GFRA1: variants seen among roughly 807,000 people sequenced by gnomAD.
GFRA1 encodes the protein GDNF family receptor alpha-1.
A neutral mutation model predicts 51.6 loss-of-function variants in GFRA1; 16 were observed. The ratio of observed to expected loss-of-function variants is 0.31; its 90% confidence interval spans 0.21 to 0.47. The LOEUF (loss-of-function observed/expected upper bound fraction) is 0.47, where lower values mean the gene tolerates loss of function less well. Ranked by LOEUF, GFRA1 falls within the 20% of genes least tolerant of loss-of-function variation. The probability of loss-of-function intolerance (pLI) is 1.00; values close to 1 mark genes in which losing one functional copy is unlikely to be tolerated. For synonymous variants in GFRA1, 270 were observed against 241.3 expected (o/e 1.12, Z -1.10); for missense variants, 530 against 594.3 (o/e 0.89, Z 1.13).
At chr10:116,186,002 A>G (rs545500347) in intron 5 of GFRA1, among the ~76,000 whole-genome samples, 2 of 151,972 alleles carry the variant, frequency 1.3e-5, no homozygotes, top group Non-Finnish European at 2.9e-5. Flanking sequence ...ATTTTACTTT[A>G]TTATTTTTGG....
At chr10:116,077,535 CCAG>C (rs1354859404) in intron 9 of GFRA1, among the ~76,000 whole-genome samples, 3 of 152,154 alleles carry the variant, frequency 2.0e-5, no homozygotes, top group African/African-American at 7.2e-5. Flanking sequence ...AATTTTACAG[CCAG>C]CTATAAAATG....
At chr10:116,133,274 T>G (rs188217644) in intron 5 of GFRA1, among the ~76,000 whole-genome samples, 9 of 152,314 alleles carry the variant, frequency 5.9e-5, no homozygotes, top group African/African-American at 1.9e-4. Context: ...ACAGCCATGT[T>G]GTCACTTTGC....
At chr10:116,134,774 C>A (rs1470054934) in intron 5 of GFRA1, among the ~76,000 whole-genome samples, 1 of 152,206 alleles carries the variant, frequency 6.6e-6, no homozygotes, top group East Asian at 1.9e-4. Context: ...GACAGTTCCC[C>A]TTGTTAACCA....
chr10:116,226,836 A>T, intron 4 of GFRA1: 1 of 350,176 alleles, frequency 2.9e-6, no homozygotes, highest in Middle Eastern at 6.3e-4. Flanking sequence ...ATCATCAGGT[A>T]TTAGATTCTC....
intron 5 of GFRA1, among the ~76,000 whole-genome samples, chr10:116,207,750 C>T (rs927706215): frequency 1.3e-5 from 2 of 152,008 alleles, no homozygotes; most frequent in African/African-American, 4.8e-5. Context: ...AATTTGCCAG[C>T]CTTAAGGACA....
intron 5 of GFRA1, among the ~76,000 whole-genome samples, chr10:116,207,281 A>G (rs1372772188): frequency 1.3e-5 from 2 of 152,226 alleles, no homozygotes; most frequent in African/African-American, 4.8e-5. Flanking sequence ...CCTGTCACCA[A>G]TCTGAGATCA....
At chr10:116,095,140 A>G (rs986070272) in intron 7 of GFRA1, among the ~76,000 whole-genome samples, 3 of 152,214 alleles carry the variant, frequency 2.0e-5, no homozygotes, top group African/African-American at 7.2e-5. Context: ...GGCCCCTCAT[A>G]AAGAGGTTAA....
At chr10:116,227,897 C>T (rs1212238200) in intron 4 of GFRA1, among the ~76,000 whole-genome samples, 1 of 152,154 alleles carries the variant, frequency 6.6e-6, no homozygotes, top group South Asian at 2.1e-4. Flanking sequence ...AGATGATATA[C>T]CACAATCTCT....
At chr10:116,134,425 G>A (rs1235995244) in intron 5 of GFRA1, among the ~76,000 whole-genome samples, 4 of 152,214 alleles carry the variant, frequency 2.6e-5, no homozygotes, top group Admixed American at 1.3e-4. Context: ...CACAGTGACA[G>A]TCTGGGCTTC....
chr10:116,226,372 C>T (rs1271358178), intron 4 of GFRA1, among the ~76,000 whole-genome samples: 1 of 152,166 alleles, frequency 6.6e-6, no homozygotes, highest in Non-Finnish European at 1.5e-5. Context: ...AAAGGGCTGC[C>T]TTTTGAAAAT....
rs1324840720 is a variant in GFRA1 at position 116,063,110 on chromosome 10, T to C, written c.*1288A>G. 1 of 152,284 alleles carries C rather than the reference T, an allele frequency of 6.6e-6. No individual in the cohort carries two copies. The highest frequency in any genetic ancestry group is 1.5e-5 in the Non-Finnish European group (1 of 68,076). The allele number at this position is 152,284 out of a possible 1,614,324, so 9.4% of individuals were successfully genotyped here. ...AAAGAACTGTGCATCCCAGCATGGA[T>C]GTGTTTCCAAAGAAAGGAGAACCTG... is the stretch of plus-strand genomic sequence containing the variant. On this transcript the variant is annotated 3_prime_UTR_variant, in exon 11 of 11. Coordinates refer to ENST00000355422, the MANE Select transcript of GFRA1 (RefSeq NM_005264.8).
intron 4 of GFRA1, among the ~76,000 whole-genome samples, chr10:116,245,494 T>C (rs1967789892): frequency 6.6e-6 from 1 of 152,202 alleles, no homozygotes; most frequent in Non-Finnish European, 1.5e-5. Context: ...TGCAAAATGG[T>C]ACAGCCGCTT....
At chr10:116,134,456 T>C (rs956180224) in intron 5 of GFRA1, among the ~76,000 whole-genome samples, 1 of 152,228 alleles carries the variant, frequency 6.6e-6, no homozygotes, top group Non-Finnish European at 1.5e-5. Flanking sequence ...ACGGATCGTA[T>C]GGCAAATTTG....
At chr10:116,109,661 C>T (rs1302086970) in intron 6 of GFRA1, among the ~76,000 whole-genome samples, 2 of 152,106 alleles carry the variant, frequency 1.3e-5, no homozygotes, top group South Asian at 2.1e-4. Context: ...CCCGGGCCCA[C>T]GGGGAGAAAC....
At chr10:116,111,427 C>G (rs954704579) in intron 6 of GFRA1, among the ~76,000 whole-genome samples, 1 of 152,196 alleles carries the variant, frequency 6.6e-6, no homozygotes, top group Non-Finnish European at 1.5e-5. Flanking sequence ...GTCCCCACAG[C>G]CTTCCAAATA....
chr10:116,237,908 C>T (rs963161284), intron 4 of GFRA1, among the ~76,000 whole-genome samples: 1 of 152,176 alleles, frequency 6.6e-6, no homozygotes. Context: ...ACCTGTGCTT[C>T]CACCTCCAGG....
intron 5 of GFRA1, among the ~76,000 whole-genome samples, chr10:116,136,372 T>C (rs1311138792): frequency 3.3e-5 from 5 of 152,216 alleles, no homozygotes; most frequent in African/African-American, 1.2e-4. Flanking sequence ...TCCACTGATA[T>C]TTAGCTATTT....
In GFRA1 at chr10:116,155,480, G is replaced by T. The variant is rs377226538; in HGVS notation, c.434-29923C>A. 6.6e-5 allele frequency among the ~76,000 whole-genome samples: 10 copies of T among 152,224 alleles called. 1 individual carries two copies. The highest frequency in any genetic ancestry group is 2.4e-4 in the African/African-American group (10 of 41,536). Reference sequence around the variant, plus strand: ...AGTCACCTGCAAGCAGCTAGAGAAGGCCTCAAGGAAAACAAAGGCTTGTCT... The same window carrying T: ...AGTCACCTGCAAGCAGCTAGAGAAGTCCTCAAGGAAAACAAAGGCTTGTCT... On this transcript the variant is annotated intron_variant, in intron 5 of 10. Transcript: ENST00000355422.
In GFRA1 at chr10:116,125,318, T is replaced by C; in HGVS notation, c.673A>G (p.Arg225Gly). Residue 225 changes from arginine (R) to glycine (G), a missense_variant, in exon 6 of 11, where the codon AGG becomes GGG. Transcript: ENST00000355422. ...CACACAGGCACGATGGTCTGTCGCCTCCGCTCTGTGCAGGCGATGTCCCGG... is the reference window on the plus strand; with the variant it reads ...CACACAGGCACGATGGTCTGTCGCCCCCGCTCTGTGCAGGCGATGTCCCGG... The part of the protein sequence containing the change: ...SCRDIACTER[R>G]RQTIVPVCSY... 6.2e-7 allele frequency: 1 copy of C among 1,614,240 alleles called. No homozygotes were observed. Among genetic ancestry groups the C allele is most frequent in the Non-Finnish European group, 8.5e-7 (1 of 1,180,040 alleles).
Sources: gnomAD v4.1 joint callset for allele counts (sites outside exome capture counted in the v4.1 genomes callset) on GRCh38, gnomAD v4.1.1 for gene constraint, MANE v1.5 for transcripts, NCBI Gene and HGNC (gene_info 2026-07-23, HGNC 2026-07-21) for gene names.